Variants in PSD2 observed in about 807,000 individuals in gnomAD.
PSD2 encodes the protein pleckstrin and Sec7 domain containing 2.
Under a neutral mutation model 69.8 loss-of-function variants are expected in PSD2, and 38 were observed. The observed-to-expected ratio is 0.54, with a 90% CI of 0.42 to 0.71. The LOEUF is 0.71. Ranked by LOEUF, PSD2 falls within the 30% of genes least tolerant of loss-of-function variation. The pLI, the probability that PSD2 is intolerant of heterozygous loss-of-function variation, is 0.00. For missense variants in PSD2, 943 were observed against 1,014.5 expected (o/e 0.93, Z 0.96); for synonymous variants, 412 against 423.0 (o/e 0.97, Z 0.32).
the PSD2 span, among the ~76,000 whole-genome samples, chr5:139,750,592 GA>G: frequency 6.6e-6 from 1 of 152,180 alleles, no homozygotes; most frequent in Non-Finnish European, 1.5e-5. Context: ...AAGGCAGGGT[GA>G]AGGTTCAGCA....
chr5:139,799,205 A>G (rs1759605445), intron 1 of PSD2, among the ~76,000 whole-genome samples: 2 of 152,102 alleles, frequency 1.3e-5, no homozygotes, highest in South Asian at 2.1e-4. Context: ...CTGTATTTCA[A>G]TTCTGTTCCT....
At chr5:139,808,129 G>A (rs1759858422) in intron 1 of PSD2, among the ~76,000 whole-genome samples, 1 of 152,230 alleles carries the variant, frequency 6.6e-6, no homozygotes, top group East Asian at 1.9e-4. Context: ...ACAAGGGGAG[G>A]AAGGAAGTGG....
In PSD2 at chr5:139,813,241, G is replaced by A. The variant is rs185909300; in HGVS notation, c.372-68G>A. 5 of 1,330,846 alleles carry A rather than the reference G, an allele frequency of 3.8e-6. No individual in the cohort carries two copies. The East Asian group carries it at 1.2e-4, about 31-fold the overall frequency. 82.4% of individuals were successfully genotyped at this position (1,330,846 alleles called of 1,614,324 possible). A position where few individuals can be genotyped will look rare whatever the true frequency, so the allele number is the denominator to read the frequency against. ...CCAGGGGGCTCCCAGACACAGATGA[G>A]TGTAGTCACCAGCACCTGTATGGGG... On this transcript the variant is annotated intron_variant, in intron 2 of 14. Transcript: ENST00000274710.
At chr5:139,771,316 G>A in the PSD2 span, among the ~76,000 whole-genome samples, 1 of 152,232 alleles carries the variant, frequency 6.6e-6, no homozygotes, top group African/African-American at 2.4e-5. Flanking sequence ...CGCCGTGGTG[G>A]GTAAGGCCCT....
chr5:139,778,578 T>C, the PSD2 span, among the ~76,000 whole-genome samples: 1 of 152,220 alleles, frequency 6.6e-6, no homozygotes, highest in Non-Finnish European at 1.5e-5. Flanking sequence ...AATATTGTAA[T>C]GAACATCCTT....
chr5:139,796,502 T>A (rs957693824), intron 1 of PSD2, among the ~76,000 whole-genome samples: 3 of 152,184 alleles, frequency 2.0e-5, no homozygotes, highest in Non-Finnish European at 4.4e-5. Context: ...CGGCCAGGCC[T>A]CCCCGGCTCT....
At chr5:139,812,148 T>C (rs966235814) in intron 2 of PSD2, among the ~76,000 whole-genome samples, 1 of 152,114 alleles carries the variant, frequency 6.6e-6, no homozygotes, top group African/African-American at 2.4e-5. Flanking sequence ...GAGCTTACGG[T>C]CTAGTGGGGA....
At chr5:139,799,507 C>T (rs756158745) in intron 1 of PSD2, among the ~76,000 whole-genome samples, 3 of 152,072 alleles carry the variant, frequency 2.0e-5, no homozygotes, top group Non-Finnish European at 2.9e-5. Context: ...GGAATGTGGG[C>T]TGAGGGGTTG....
At chr5:139,743,536 G>A in the PSD2 span, among the ~76,000 whole-genome samples, 3 of 152,330 alleles carry the variant, frequency 2.0e-5, no homozygotes, top group Admixed American at 6.5e-5. Context: ...TTCAATCCCT[G>A]TAGGTGTGAC....
the PSD2 span, among the ~76,000 whole-genome samples, chr5:139,780,272 G>C: frequency 6.6e-6 from 1 of 152,192 alleles, no homozygotes; most frequent in Non-Finnish European, 1.5e-5. Context: ...CAATGACAGG[G>C]TTGGCTGCAG....
At chr5:139,835,511 T>C (rs1464405681) in intron 8 of PSD2, among the ~76,000 whole-genome samples, 1 of 152,118 alleles carries the variant, frequency 6.6e-6, no homozygotes, top group Non-Finnish European at 1.5e-5. Flanking sequence ...TACGGGAGAT[T>C]GACATTAAGT....
the PSD2 span, among the ~76,000 whole-genome samples, chr5:139,763,509 T>C: frequency 2.0e-5 from 3 of 152,176 alleles, no homozygotes; most frequent in African/African-American, 7.2e-5. Flanking sequence ...TGGGCCCACT[T>C]GTCCCTTGCT....
chr5:139,837,266 C>T lies in PSD2; in HGVS notation c.1665+28C>T. 6.2e-7 allele frequency: 1 copy of T among 1,607,820 alleles called. No homozygotes were observed. The highest frequency in any genetic ancestry group is 8.5e-7 in the Non-Finnish European group (1 of 1,174,542). ...GAGAGACTGCCCCAGAGACCTTACT[C>T]AGAAAGGGCCAGCTCAGTCCCATCC... On this transcript the variant is annotated intron_variant, in intron 11 of 14. Transcript: ENST00000274710. This position sits in a 1 kb window ranked among gnomAD's most constrained non-coding sequence, Gnocchi z 5.0.
chr5:139,836,695 GGGCT>G (rs1760726885), intron 9 of PSD2, 112 bp from the exon 10 acceptor site: 2 of 834,620 alleles, frequency 2.4e-6, no homozygotes, highest in African/African-American at 3.4e-5. Context: ...CTGCCTCCTG[GGGCT>G]GCTCTTCCTC....
intron 9 of PSD2, among the ~76,000 whole-genome samples, chr5:139,836,425 G>A (rs540845943): frequency 1.3e-5 from 2 of 152,284 alleles, no homozygotes; most frequent in East Asian, 1.9e-4. Flanking sequence ...CTGGCCTCCC[G>A]CTGCCAGCAT....
intron 14 of PSD2, 148 bp downstream of exon 14, chr5:139,840,318 T>C: frequency 1.2e-6 from 1 of 846,878 alleles, no homozygotes; most frequent in Non-Finnish European, 1.8e-6. Context: ...CCCTGACCTT[T>C]AGTCCCCAGT....
chr5:139,774,075 C>T, the PSD2 span, among the ~76,000 whole-genome samples: 1 of 152,042 alleles, frequency 6.6e-6, no homozygotes, highest in Admixed American at 6.5e-5. Context: ...ATCCTCCCAC[C>T]TCAGCCTCCT....
intron 2 of PSD2, among the ~76,000 whole-genome samples, chr5:139,812,999 A>G (rs952849719): frequency 6.6e-6 from 1 of 152,142 alleles, no homozygotes; most frequent in Non-Finnish European, 1.5e-5. Context: ...GGGCAGCCCC[A>G]TAGCTGGCAG....
chr5:139,820,417 A>G (rs1175108943), intron 5 of PSD2, among the ~76,000 whole-genome samples: 4 of 152,126 alleles, frequency 2.6e-5, no homozygotes, highest in Non-Finnish European at 4.4e-5. Flanking sequence ...CAGACAGGGC[A>G]GTGCTATTAT....
Sources: allele counts gnomAD v4.1 joint callset (sites outside exome capture counted in the v4.1 genomes callset), GRCh38; gene constraint gnomAD v4.1.1; non-coding constraint Gnocchi (gnomAD v3.1); transcripts MANE v1.5; gene names NCBI Gene and HGNC (gene_info 2026-07-23, HGNC 2026-07-21).